CFAP69: variants seen among roughly 807,000 people sequenced by gnomAD.
The protein encoded by CFAP69 is cilia and flagella associated protein 69.
A neutral mutation model predicts 123.0 loss-of-function variants in CFAP69; 92 were observed. The ratio of observed to expected loss-of-function variants is 0.75; its 90% confidence interval spans 0.63 to 0.89. The LOEUF (loss-of-function observed/expected upper bound fraction) is 0.89, where lower values mean the gene tolerates loss of function less well. CFAP69 is among the 40% of genes least tolerant of loss of function. The pLI is 0.00. For missense variants in CFAP69, 1,067 were observed against 1,096.9 expected (o/e 0.97, Z 0.39); for synonymous variants, 380 against 364.3 (o/e 1.04, Z -0.49).
At chr7:90,305,757 A>G (rs1376434204) in intron 19 of CFAP69, among the ~76,000 whole-genome samples, 1 of 151,574 alleles carries the variant, frequency 6.6e-6, no homozygotes, top group Non-Finnish European at 1.5e-5. Flanking sequence ...TTTTATCATT[A>G]CTTTATATTA....
intron 22 of CFAP69, 84 bp downstream of exon 22, chr7:90,309,451 T>A: frequency 1.4e-6 from 1 of 691,684 alleles, no homozygotes; most frequent in African/African-American, 1.8e-5. Flanking sequence ...CTGAAAACCA[T>A]TGAATTTTAC....
At chr7:90,300,087 A>C in intron 17 of CFAP69, 28 bp downstream of exon 17, 1 of 1,489,466 alleles carries the variant, frequency 6.7e-7, no homozygotes, top group African/African-American at 1.4e-5. Context: ...TGTTAGTAGA[A>C]GCAATTAATG....
Position 90,277,080 on chromosome 7 carries a change from GC to G in CFAP69, c.993del (p.Phe332LeufsTer5). 1 of 1,564,756 alleles carries G rather than the reference GC, an allele frequency of 6.4e-7. No homozygotes were observed. The highest frequency in any genetic ancestry group is 8.7e-7 in the Non-Finnish European group (1 of 1,154,530). ...QNPEAPMIEC[G>X]FTKDLILFAT... ...TTTATGTATTTATATTAGGAATGTG[GC>G]TTTACCAAGGATTTGATACTGTTTG... On this transcript the variant is annotated frameshift_variant, in exon 10 of 23. Transcript: ENST00000389297. LOFTEE classifies it high-confidence loss of function.
chr7:90,314,267 T>A (rs1794575738), downstream of CFAP69, among the ~76,000 whole-genome samples: 1 of 152,168 alleles, frequency 6.6e-6, no homozygotes, highest in Non-Finnish European at 1.5e-5. Context: ...GAAGTTTAGT[T>A]AATATTGTAT....
the CFAP69 span, chr7:90,319,718 G>C: frequency 2.5e-6 from 1 of 398,362 alleles, no homozygotes; most frequent in Non-Finnish European, 4.4e-6. Context: ...CCCAAATGTA[G>C]ATAGAACCAT....
chr7:90,273,936 A>G (rs17863975), intron 8 of CFAP69, 51 bp from the exon 9 acceptor site: 50,870 of 1,393,648 alleles, frequency 0.037, 1,293 homozygotes, highest in Middle Eastern at 0.1. Flanking sequence ...GAGGGACGCA[A>G]ACATTTAGTG....
chr7:90,249,095 C>A (rs1383732275), intron 1 of CFAP69, among the ~76,000 whole-genome samples: 2 of 152,022 alleles, frequency 1.3e-5, no homozygotes, highest in Non-Finnish European at 1.5e-5. Flanking sequence ...GTGTCCCCAC[C>A]CAAATCTCAT....
In CFAP69 at chr7:90,310,111, G is replaced by A. The variant is rs369777855; in HGVS notation, c.2699G>A (p.Arg900Gln). Residue 900 changes from arginine (R) to glutamine (Q), a missense_variant, in exon 23 of 23, where the codon CGA becomes CAA. Transcript: ENST00000389297. ...GTAACAGTGGAAAGCACTCCTGCCCGATTAGTAGGAGGACCTCTGGTTGAT... is the reference window on the plus strand; with the variant it reads ...GTAACAGTGGAAAGCACTCCTGCCCAATTAGTAGGAGGACCTCTGGTTGAT... ...GVVTVESTPA[R>Q]LVGGPLVDTD... is the part of the protein sequence containing the mutation. The A allele has an allele frequency of 1.2e-5, 20 of 1,613,714 alleles. No individual in the cohort carries two copies. In the Admixed American group the frequency reaches 2.0e-4, roughly 16 times the overall value.
intron 12 of CFAP69, among the ~76,000 whole-genome samples, chr7:90,280,228 C>T (rs1160611137): frequency 6.6e-6 from 1 of 152,178 alleles, no homozygotes; most frequent in Non-Finnish European, 1.5e-5. Flanking sequence ...GACAGGGTCT[C>T]ACCCTGTCAC....
At chr7:90,265,433 C>A in intron 5 of CFAP69, 56 bp downstream of exon 5, 1 of 1,155,240 alleles carries the variant, frequency 8.7e-7, no homozygotes. Context: ...GTCCTACTGA[C>A]AAGGGAATAT....
intron 15 of CFAP69, among the ~76,000 whole-genome samples, chr7:90,293,042 C>T (rs765507287): frequency 1.6e-4 from 24 of 152,064 alleles, no homozygotes; most frequent in Admixed American, 6.6e-4. Flanking sequence ...TGGCATACAA[C>T]GATTTTATGT....
chr7:90,271,498 T>C (rs969441302), intron 6 of CFAP69, 28 bp from the exon 7 acceptor site: 7 of 1,591,236 alleles, frequency 4.4e-6, no homozygotes, highest in Non-Finnish European at 6.0e-6. Flanking sequence ...GAGATAACTG[T>C]ATGTATTTAT....
intron 5 of CFAP69, 102 bp downstream of exon 5, chr7:90,265,479 T>C: frequency 1.4e-6 from 1 of 717,616 alleles, no homozygotes; most frequent in South Asian, 1.8e-5. Context: ...GGACTCCTTC[T>C]CCATGTCTAG....
At chr7:90,320,330 G>C in the CFAP69 span, 1 of 152,106 alleles carries the variant, frequency 6.6e-6, no homozygotes. Context: ...ACTAATATCC[G>C]GTGTATTCTT....
intron 4 of CFAP69, among the ~76,000 whole-genome samples, chr7:90,264,336 A>C (rs759947404): frequency 2.0e-5 from 3 of 151,874 alleles, no homozygotes; most frequent in Non-Finnish European, 4.4e-5. Flanking sequence ...AAGTTACTTT[A>C]AAATAACTTT....
chr7:90,313,038 A>C (rs1015241431), downstream of CFAP69, among the ~76,000 whole-genome samples: 2 of 152,214 alleles, frequency 1.3e-5, no homozygotes, highest in African/African-American at 4.8e-5. Flanking sequence ...AATAACTTTC[A>C]TCCATCTGGC....
intron 15 of CFAP69, among the ~76,000 whole-genome samples, chr7:90,289,634 C>A (rs1003786872): frequency 1.3e-5 from 2 of 152,058 alleles, no homozygotes; most frequent in Non-Finnish European, 2.9e-5. Flanking sequence ...TCAGTGTGGT[C>A]CAATTTACCA....
intron 13 of CFAP69, among the ~76,000 whole-genome samples, 176 bp downstream of exon 13, chr7:90,283,232 ATACT>A (rs1466044118): frequency 7.9e-5 from 12 of 152,170 alleles, no homozygotes; most frequent in Admixed American, 4.6e-4. Context: ...TTGAAATATC[ATACT>A]TACTAACCCT....
intron 1 of CFAP69, among the ~76,000 whole-genome samples, chr7:90,248,939 G>A (rs1008221441): frequency 1.3e-5 from 2 of 152,154 alleles, no homozygotes; most frequent in Non-Finnish European, 2.9e-5. Context: ...TATTTGTAAG[G>A]CATTTAGCAC....
Sources: allele counts gnomAD v4.1 joint callset (sites outside exome capture counted in the v4.1 genomes callset), GRCh38; gene constraint gnomAD v4.1.1; transcripts MANE v1.5; gene names NCBI Gene and HGNC (gene_info 2026-07-23, HGNC 2026-07-21).